Variants in ELAVL3 observed in about 807,000 individuals in gnomAD.
ELAVL3 encodes the protein ELAV like RNA binding protein 3, also known as ELAV-like protein 3.
ELAVL3 carries 8 observed loss-of-function variants against 34.2 expected under a neutral mutation model. That is an observed-to-expected ratio of 0.23 (90% CI 0.14 to 0.42). The LOEUF (loss-of-function observed/expected upper bound fraction) is 0.42, where lower values mean the gene tolerates loss of function less well. ELAVL3 is among the 10% of genes least tolerant of loss of function. The pLI, the probability that ELAVL3 is intolerant of heterozygous loss-of-function variation, is 1.00. For missense variants in ELAVL3, 273 were observed against 518.8 expected (o/e 0.53, Z 4.60); for synonymous variants, 209 against 222.1 (o/e 0.94, Z 0.53).
chr19:11,457,903 A>AT (rs1970803168), intron 5 of ELAVL3, among the ~76,000 whole-genome samples, 158 bp downstream of exon 5: 1 of 152,226 alleles, frequency 6.6e-6, no homozygotes, highest in South Asian at 2.1e-4. Flanking sequence ...GGCCTGCTGT[A>AT]TATGAGTGGC....
chr19:11,465,314 CAT>C (rs1971026317), intron 3 of ELAVL3, among the ~76,000 whole-genome samples: 1 of 147,668 alleles, frequency 6.8e-6, no homozygotes, highest in Non-Finnish European at 1.5e-5. Flanking sequence ...ACACCACACA[CAT>C]ACACACATGC....
rs958385282 is a variant in ELAVL3, at chr19:11,453,195, G to C, written c.*1331C>G. ...TGTCCTTTGGCCTCAAGTGTTGTGG[G>C]GGGGGGGGCTGCCTCCAGCCCACCG... On this transcript the variant is annotated 3_prime_UTR_variant, in exon 7 of 7. Transcript: ENST00000359227. The C allele has an allele frequency of 4.6e-5, 7 of 152,150 alleles. No individual in the cohort carries two copies. Among genetic ancestry groups the C allele is most frequent in the African/African-American group, 7.2e-5 (3 of 41,426 alleles). 9.4% of individuals were successfully genotyped at this position (152,150 alleles called of 1,614,324 possible). A position where few individuals can be genotyped will look rare whatever the true frequency, so the allele number is the denominator to read the frequency against.
Position 11,481,045 on chromosome 19 carries a change from C to T in ELAVL3, c.-437G>A, listed in dbSNP as rs12985007. On this transcript the variant is annotated 5_prime_UTR_variant, in exon 1 of 7. Coordinates refer to ENST00000359227, the MANE Select transcript of ELAVL3 (RefSeq NM_001420.4). The surrounding 1 kb of genome is among the most constrained non-coding windows in gnomAD (Gnocchi z 6.3). ...CGGCCCGCGCTGCGCGCTCCGCGCT[C>T]TGGACCGCGCCGCCGCCGCCCCCAG... 2 of 163,028 alleles carry T rather than the reference C, an allele frequency of 1.2e-5. No homozygotes were observed. Among genetic ancestry groups the T allele is most frequent in the African/African-American group, 4.8e-5 (2 of 41,538 alleles). 10.1% of individuals were successfully genotyped at this position (163,028 alleles called of 1,614,324 possible). A position where few individuals can be genotyped will look rare whatever the true frequency, so the allele number is the denominator to read the frequency against.
Position 11,454,825 on chromosome 19 carries a change from C to T in ELAVL3, c.805G>A (p.Gly269Ser), listed in dbSNP as rs763324902. ...CCCGACAGGCCCACGCCCGCCAGGC[C>T]GCTCATACCATCGATGGCGATCGGC... Reference protein sequence around the residue: ...FSPIAIDGMSGLAGVGLSGGA... With the variant: ...FSPIAIDGMSSLAGVGLSGGA... Residue 269 changes from glycine (G) to serine (S), a missense_variant, in exon 7 of 7, where the codon GGC becomes AGC. This residue lies in a region of ELAVL3 where 79 missense variants were observed against 108.2 expected (regional missense o/e 0.73). Transcript: ENST00000359227. This position sits in a 1 kb window ranked among gnomAD's most constrained non-coding sequence, Gnocchi z 9.2. The T allele has an allele frequency of 1.4e-5, 23 of 1,609,684 alleles. No individual in the cohort carries two copies. The highest frequency in any genetic ancestry group is 1.1e-4 in the African/African-American group (8 of 74,882).
intron 1 of ELAVL3, among the ~76,000 whole-genome samples, chr19:11,478,858 T>C (rs1971313289): frequency 6.6e-6 from 1 of 152,166 alleles, no homozygotes; most frequent in African/African-American, 2.4e-5. Flanking sequence ...GATGCCTGGA[T>C]ACCGGCGACA....
intron 1 of ELAVL3, among the ~76,000 whole-genome samples, chr19:11,475,846 C>A (rs1034525593): frequency 6.6e-6 from 1 of 152,050 alleles, no homozygotes. Context: ...AACTCCTGAC[C>A]TCAGATGACC....
chr19:11,464,149 C>A (rs186783171), intron 3 of ELAVL3, among the ~76,000 whole-genome samples: 23,190 of 94,926 alleles, frequency 0.24, 2,742 homozygotes, highest in Non-Finnish European at 0.29. Context: ...CTCTCTCTCT[C>A]TCTATATATA....
chr19:11,466,111 G>A lies in ELAVL3; in HGVS notation c.333+61C>T. ...CATGGGGGCGGGTAGGTGGCAGTAG[G>A]GGGTTGGGGACAGTCAGTTGGGGTG... is the stretch of plus-strand genomic sequence containing the variant. On this transcript the variant is annotated intron_variant, in intron 3 of 6. Transcript: ENST00000359227. This position sits in a 1 kb window ranked among gnomAD's most constrained non-coding sequence, Gnocchi z 5.0. The A allele has an allele frequency of 6.7e-7, 1 of 1,491,134 alleles. No individual in the cohort carries two copies. Among genetic ancestry groups the A allele is most frequent in the East Asian group, 2.3e-5 (1 of 44,184 alleles). 92.4% of individuals were successfully genotyped at this position (1,491,134 alleles called of 1,614,324 possible).
At chr19:11,457,516 C>G (rs1211677499) in intron 5 of ELAVL3, among the ~76,000 whole-genome samples, 1 of 152,226 alleles carries the variant, frequency 6.6e-6, no homozygotes, top group African/African-American at 2.4e-5. Flanking sequence ...GGTAACTTGC[C>G]CCGGCCACCC....
At chr19:11,456,394 G>C (rs1003043277) in intron 6 of ELAVL3, among the ~76,000 whole-genome samples, 2 of 152,106 alleles carry the variant, frequency 1.3e-5, no homozygotes, top group African/African-American at 4.8e-5. Context: ...GTGAGCCACC[G>C]CGCCCGGCCT....
intron 6 of ELAVL3, among the ~76,000 whole-genome samples, chr19:11,455,770 A>C (rs1235126167): frequency 6.6e-6 from 1 of 152,008 alleles, no homozygotes; most frequent in Non-Finnish European, 1.5e-5. Flanking sequence ...CATCAACTTC[A>C]TCTTCCCTGC....
chr19:11,473,881 C>CA (rs1462920536), intron 1 of ELAVL3, among the ~76,000 whole-genome samples: 4 of 152,158 alleles, frequency 2.6e-5, no homozygotes, highest in Admixed American at 2.6e-4. Context: ...CTGCAAACTC[C>CA]AAATTATAGT....
Position 11,466,353 on chromosome 19 carries a change from T to G in ELAVL3, c.230-78A>C. The G allele has an allele frequency of 7.4e-7, 1 of 1,356,882 alleles. No individual in the cohort carries two copies. Among genetic ancestry groups the G allele is most frequent in the Non-Finnish European group, 1.1e-6 (1 of 951,806 alleles). The allele number at this position is 1,356,882 out of a possible 1,614,324, so 84.1% of individuals were successfully genotyped here. ...GTGTCCCACCTCAGGCCTGAGAGAC[T>G]GTCCCCTCCCCACCAAGTTTCCACC... is the stretch of plus-strand genomic sequence containing the variant. On this transcript the variant is annotated intron_variant, in intron 2 of 6. Coordinates refer to ENST00000359227, the MANE Select transcript of ELAVL3 (RefSeq NM_001420.4). This position sits in a 1 kb window ranked among gnomAD's most constrained non-coding sequence, Gnocchi z 5.0.
chr19:11,469,468 C>T (rs1971121152), intron 1 of ELAVL3, among the ~76,000 whole-genome samples: 1 of 151,910 alleles, frequency 6.6e-6, no homozygotes, highest in African/African-American at 2.4e-5. Context: ...TTAGTAGAGG[C>T]GGGGTTTCTC....
At chr19:11,464,165 ATATT>A (rs1421219078) in intron 3 of ELAVL3, among the ~76,000 whole-genome samples, 16 of 111,068 alleles carry the variant, frequency 1.4e-4, no homozygotes, top group African/African-American at 7.2e-4. Flanking sequence ...ATATATATAT[ATATT>A]TTTTTTTTTT....
intron 1 of ELAVL3, among the ~76,000 whole-genome samples, chr19:11,467,699 G>A (rs1186461358): frequency 6.6e-6 from 1 of 152,038 alleles, no homozygotes; most frequent in African/African-American, 2.4e-5. Flanking sequence ...GGCCAGGCTG[G>A]TCTCGAACTC....
intron 3 of ELAVL3, among the ~76,000 whole-genome samples, chr19:11,464,147 C>A (rs867446146): frequency 0.044 from 4,542 of 103,586 alleles, 117 homozygotes; most frequent in Middle Eastern, 0.073. Flanking sequence ...CTCTCTCTCT[C>A]TCTCTATATA....
chr19:11,462,501 G>A (rs1260603120), intron 3 of ELAVL3, among the ~76,000 whole-genome samples: 1 of 151,702 alleles, frequency 6.6e-6, no homozygotes, highest in African/African-American at 2.4e-5. Flanking sequence ...GCCGGGCGTG[G>A]TGGCGGGCGC....
At chr19:11,475,298 G>A (rs1971242093) in intron 1 of ELAVL3, among the ~76,000 whole-genome samples, 1 of 152,136 alleles carries the variant, frequency 6.6e-6, no homozygotes, top group Non-Finnish European at 1.5e-5. Context: ...GTATGAATAG[G>A]GAAATTCATT....
Sources: allele counts gnomAD v4.1 joint callset (sites outside exome capture counted in the v4.1 genomes callset), GRCh38; gene constraint gnomAD v4.1.1; regional missense constraint gnomAD v4.1.1; non-coding constraint Gnocchi (gnomAD v3.1); transcripts MANE v1.5; gene names NCBI Gene and HGNC (gene_info 2026-07-23, HGNC 2026-07-21).